GPD2: variants seen among roughly 807,000 people sequenced by gnomAD.
GPD2 encodes glycerol-3-phosphate dehydrogenase, mitochondrial.
A neutral mutation model predicts 82.4 loss-of-function variants in GPD2; 54 were observed. That is an observed-to-expected ratio of 0.66 (90% confidence interval 0.53 to 0.82). GPD2 has a LOEUF of 0.82. Ranked by LOEUF, GPD2 falls within the 40% of genes least tolerant of loss-of-function variation. The pLI is 0.00. For synonymous variants in GPD2, 288 were observed against 306.1 expected (o/e 0.94, Z 0.62); for missense variants, 748 against 896.2 (o/e 0.83, Z 2.11).
At chr2:156,487,038 G>A (rs114457926) in intron 2 of GPD2, among the ~76,000 whole-genome samples, 7,139 of 152,298 alleles carry the variant, frequency 0.047, 247 homozygotes, top group Middle Eastern at 0.088. Context: ...GGGTGCATTG[G>A]CTCATGCCTG....
intron 6 of GPD2, among the ~76,000 whole-genome samples, chr2:156,529,230 T>G (rs1333624226): frequency 6.6e-6 from 1 of 151,670 alleles, no homozygotes; most frequent in African/African-American, 2.4e-5. Context: ...GCTGCATAAA[T>G]GTCTTCTTTT....
At chr2:156,479,779 G>T (rs1683653753) in intron 2 of GPD2, among the ~76,000 whole-genome samples, 1 of 152,148 alleles carries the variant, frequency 6.6e-6, no homozygotes, top group South Asian at 2.1e-4. Context: ...AGGGCTTTTA[G>T]CGTGGTCTTA....
At chr2:156,489,904 A>ACCCTCCTTCCTTCTCTCCCCTC (rs375462660) in intron 2 of GPD2, among the ~76,000 whole-genome samples, 1 of 84,546 alleles carries the variant, frequency 1.2e-5, no homozygotes, top group African/African-American at 4.7e-5. Flanking sequence ...TTCCTTCACT[A>ACCCTCCTTCCTTCTCTCCCCTC]CCCTCCTTCC....
At chr2:156,575,810 T>G (rs932702348) in intron 13 of GPD2, among the ~76,000 whole-genome samples, 2 of 152,176 alleles carry the variant, frequency 1.3e-5, no homozygotes, top group African/African-American at 4.8e-5. Context: ...ATTGGTAGAT[T>G]TATAACCAGT....
chr2:156,516,142 G>A lies in GPD2; in HGVS notation c.661+2646G>A, dbSNP rs1685188476. Among the ~76,000 whole-genome samples, 11 of 152,224 alleles carry A rather than the reference G, an allele frequency of 7.2e-5. No individual in the cohort carries two copies. The South Asian group carries it at 2.3e-3, about 32-fold the overall frequency. ...TGAACTTTTATCATTGCAAACCCAA[G>A]TCTAAACATGGTAGTTTATAAGATA... On this transcript the variant is annotated intron_variant, in intron 6 of 16. Coordinates refer to ENST00000438166, the MANE Select transcript of GPD2 (RefSeq NM_000408.5).
the GPD2 span, among the ~76,000 whole-genome samples, chr2:156,405,750 C>T: frequency 6.6e-6 from 1 of 152,096 alleles, no homozygotes; most frequent in Non-Finnish European, 1.5e-5. Context: ...TGCTCTGTTC[C>T]CATGCTCAGA....
At chr2:156,454,852 C>CTTCTT (rs1303213658) in intron 1 of GPD2, among the ~76,000 whole-genome samples, 2 of 151,960 alleles carry the variant, frequency 1.3e-5, no homozygotes, top group Non-Finnish European at 2.9e-5. Context: ...GCTTAGTGGC[C>CTTCTT]AGGGGTGAGC....
At chr2:156,414,943 A>T in the GPD2 span, among the ~76,000 whole-genome samples, 1 of 152,130 alleles carries the variant, frequency 6.6e-6, no homozygotes, top group African/African-American at 2.4e-5. Flanking sequence ...TTATATGATG[A>T]GTTAATGGGC....
chr2:156,465,507 A>G (rs1001565828), intron 1 of GPD2, among the ~76,000 whole-genome samples: 2 of 151,864 alleles, frequency 1.3e-5, no homozygotes, highest in African/African-American at 4.8e-5. Flanking sequence ...TACTACAGGC[A>G]TGTGCCATCA....
rs1687557671 is a variant in GPD2, at chr2:156,570,096, C to G, written c.1486C>G (p.His496Asp). ...AGCTTTATTTCTCTAGGTGGCACAG[C>G]ATCTTGCCGCCACCTATGGTGATAA... The part of the protein sequence containing the change: ...DYGLESEVAQ[H>D]LAATYGDKAF... The change falls in exon 12 of 17, where the codon CAT becomes GAT. Residue 496 changes from histidine to aspartate, a missense_variant. His to Asp is a moderately conservative substitution (Grantham distance 81, BLOSUM62 -1). This residue lies in a region of GPD2 where 692 missense variants were observed against 809.7 expected (regional missense o/e 0.85). Coordinates refer to ENST00000438166, the MANE Select transcript of GPD2 (RefSeq NM_000408.5). 1 of 1,611,096 alleles carries G rather than the reference C, an allele frequency of 6.2e-7. No individual in the cohort carries two copies. The highest frequency in any genetic ancestry group is 1.3e-5 in the African/African-American group (1 of 74,812).
intron 6 of GPD2, among the ~76,000 whole-genome samples, chr2:156,531,207 T>A (rs571785): frequency 0.7 from 106,615 of 151,978 alleles, 37,565 homozygotes; most frequent in Middle Eastern, 0.82. Flanking sequence ...TATGCATAGT[T>A]TTAATTCACC....
chr2:156,510,333 AGAAG>A (rs1231560861), intron 3 of GPD2, among the ~76,000 whole-genome samples: 1 of 152,156 alleles, frequency 6.6e-6, no homozygotes, highest in Non-Finnish European at 1.5e-5. Flanking sequence ...GTCAACACAC[AGAAG>A]GAAGTCTAGT....
At chr2:156,456,848 A>G (rs990856338) in intron 1 of GPD2, among the ~76,000 whole-genome samples, 1 of 151,968 alleles carries the variant, frequency 6.6e-6, no homozygotes, top group African/African-American at 2.4e-5. Flanking sequence ...TAGCATGGGT[A>G]AAGGTGGTTT....
chr2:156,438,866 T>A (rs983976136), intron 1 of GPD2, among the ~76,000 whole-genome samples: 1 of 152,214 alleles, frequency 6.6e-6, no homozygotes, highest in African/African-American at 2.4e-5. Flanking sequence ...TGGAAAACAA[T>A]TGGAGACCAA....
intron 3 of GPD2, among the ~76,000 whole-genome samples, chr2:156,503,869 T>C (rs1684684306): frequency 6.6e-6 from 1 of 152,160 alleles, no homozygotes; most frequent in Non-Finnish European, 1.5e-5. Flanking sequence ...TTCTATATTA[T>C]TTGGATATTC....
chr2:156,481,507 C>T (rs1367993334), intron 2 of GPD2, among the ~76,000 whole-genome samples: 5 of 151,966 alleles, frequency 3.3e-5, no homozygotes, highest in African/African-American at 1.2e-4. Flanking sequence ...CTCTCTATTT[C>T]TATGAGCTCA....
chr2:156,477,215 G>C (rs541690755), intron 2 of GPD2, among the ~76,000 whole-genome samples: 3 of 152,188 alleles, frequency 2.0e-5, no homozygotes, highest in African/African-American at 4.8e-5. Flanking sequence ...CAGATCCCTT[G>C]AGCCCAGAAG....
Position 156,549,617 on chromosome 2 carries a change from A to G in GPD2, c.671A>G (p.Asn224Ser). Reference protein sequence around the residue: ...GAIVYYDGQHNDARMNLAIAL... With the variant: ...GAIVYYDGQHSDARMNLAIAL... ...GCTTTCCCCGCTGCAGGACAACATAACGATGCACGGATGAACCTTGCCATT... is the reference window on the plus strand; with the variant it reads ...GCTTTCCCCGCTGCAGGACAACATAGCGATGCACGGATGAACCTTGCCATT... Residue 224 changes from asparagine (N) to serine (S), a missense_variant, in exon 7 of 17, where the codon AAC becomes AGC. Physicochemically the swap from Asn to Ser is conservative, Grantham distance 46. Coordinates refer to ENST00000438166, the MANE Select transcript of GPD2 (RefSeq NM_000408.5). The G allele has an allele frequency of 1.2e-6, 2 of 1,614,078 alleles. No individual in the cohort carries two copies. The highest frequency in any genetic ancestry group is 1.7e-6 in the Non-Finnish European group (2 of 1,179,944).
At chr2:156,489,953 C>A in intron 2 of GPD2, among the ~76,000 whole-genome samples, 1 of 151,380 alleles carries the variant, frequency 6.6e-6, no homozygotes, top group Non-Finnish European at 1.5e-5. Context: ...CCCACTACCC[C>A]CTCTCCCTGA....
Sources: gnomAD v4.1 joint callset for allele counts (sites outside exome capture counted in the v4.1 genomes callset) on GRCh38, gnomAD v4.1.1 for gene constraint, gnomAD v4.1.1 regional missense constraint, MANE v1.5 for transcripts, NCBI Gene and HGNC (gene_info 2026-07-23, HGNC 2026-07-21) for gene names.